Variants in SEC24C observed in about 807,000 individuals in gnomAD.
SEC24C encodes the protein SEC24 homolog C, COPII component, also known as protein transport protein Sec24C.
In SEC24C, 22 loss-of-function variants were observed where a neutral mutation model predicts 117.0. The ratio of observed to expected loss-of-function variants is 0.19; its 90% CI spans 0.13 to 0.27. The LOEUF (loss-of-function observed/expected upper bound fraction) is 0.27. Ranked by LOEUF, SEC24C falls within the 10% of genes least tolerant of loss-of-function variation. The probability of loss-of-function intolerance (pLI) is 1.00; values close to 1 mark genes in which losing one functional copy is unlikely to be tolerated. For missense variants in SEC24C, 1,155 were observed against 1,375.1 expected (o/e 0.84, Z 2.53); for synonymous variants, 506 against 529.4 (o/e 0.96, Z 0.61).
intron 7 of SEC24C, 66 bp downstream of exon 7, chr10:73,763,667 CTTTTTTTT>C (rs71021569): frequency 2.8e-4 from 17 of 60,484 alleles, no homozygotes; most frequent in South Asian, 1.2e-3. Context: ...ATGGTTGGGG[CTTTTTTTT>C]TTTTTTTTTT....
chr10:73,767,845 C>T lies in SEC24C; in HGVS notation c.2019C>T (p.Phe673=), dbSNP rs1190336284. ...ATTTTCTTTCCCCCTAGACTCTGTT[C>T]CAGCCTCAGACAGGTGCCTATCAGA... ...LINTDKEKTL[F]QPQTGAYQTL... Residue 673 remains phenylalanine, a synonymous_variant, in exon 15 of 23, where the codon TTC becomes TTT. Coordinates refer to ENST00000345254, the MANE Select transcript of SEC24C (RefSeq NM_198597.3). 4 of 1,609,572 alleles carry T rather than the reference C, an allele frequency of 2.5e-6. No individual in the cohort carries two copies. The Admixed American group carries it at 5.0e-5, about 20-fold the overall frequency.
chr10:73,766,865 G>C lies in SEC24C; in HGVS notation c.1893+12G>C. On this transcript the variant is annotated intron_variant, in intron 13 of 22. Transcript: ENST00000345254. ...TGGAGGCTCTGAAGGTAAGGCTGGA[G>C]TATCGGGCAACCTCCTCTAACTCCA... 1 of 1,610,254 alleles carries C rather than the reference G, an allele frequency of 6.2e-7. No homozygotes were observed. The highest frequency in any genetic ancestry group is 8.5e-7 in the Non-Finnish European group (1 of 1,176,410).
intron 8 of SEC24C, 116 bp downstream of exon 8, chr10:73,764,099 A>C: frequency 7.5e-7 from 1 of 1,339,996 alleles, no homozygotes. Flanking sequence ...GTTAGGCAGG[A>C]GAGGAGACTG....
chr10:73,766,053 T>G (rs374796759), intron 10 of SEC24C, 33 bp from the exon 11 acceptor site: 3 of 1,606,754 alleles, frequency 1.9e-6, no homozygotes, highest in Non-Finnish European at 2.5e-6. Context: ...TGCTTACCAT[T>G]CCCCCTCTCC....
rs1227411371 is a variant in SEC24C, at chr10:73,759,791, T to G, written c.478T>G (p.Phe160Val). The G allele has an allele frequency of 3.2e-6, 5 of 1,577,018 alleles. No individual in the cohort carries two copies. The highest frequency in any genetic ancestry group is 4.3e-6 in the Non-Finnish European group (5 of 1,165,648). Residue 160 changes from phenylalanine (F) to valine (V), a missense_variant, in exon 4 of 23, where the codon TTT becomes GTT. Phe to Val is a conservative substitution (Grantham distance 50). Around this residue, in one of 2 missense-constraint regions of SEC24C, gnomAD observed 396 missense variants for 382.8 expected, o/e 1.03. Transcript: ENST00000345254. ...APAPPSSGLG[F>V]GPPTSLASAS... Reference sequence around the variant, plus strand: ...AGCCCCTCCTTCTTCAGGGCTGGGCTTTGGTGAGTGGCTGTGAACACAGGA... The same window carrying G: ...AGCCCCTCCTTCTTCAGGGCTGGGCGTTGGTGAGTGGCTGTGAACACAGGA...
Position 73,769,974 on chromosome 10 carries a change from A to G in SEC24C, c.2821A>G (p.Thr941Ala), listed in dbSNP as rs754338296. The G allele has an allele frequency of 1.9e-6, 3 of 1,614,160 alleles. No individual in the cohort carries two copies. In the Admixed American group the frequency reaches 5.0e-5, roughly 27 times the overall value. ...ACAGCTAGTTACCTCCATGGATGTG[A>G]CTGAGACCAATGTCTTCTTCTACCC... The part of the protein sequence containing the change: ...VRQLVTSMDV[T>A]ETNVFFYPRL... The change falls in exon 20 of 23, where the codon ACT (threonine) becomes GCT (alanine). Residue 941 changes from threonine to alanine, a missense_variant. Around this residue, in one of 2 missense-constraint regions of SEC24C, gnomAD observed 759 missense variants for 992.3 expected, o/e 0.76. Transcript: ENST00000345254. The surrounding 1 kb of genome is among the most constrained non-coding windows in gnomAD (Gnocchi z 4.5).
Position 73,767,917 on chromosome 10 carries a change from T to TG in SEC24C, c.2091_2092insG (p.Leu698AlafsTer4). On this transcript the variant is annotated frameshift_variant, in exon 15 of 23. Transcript: ENST00000345254. LOFTEE classifies it high-confidence loss of function. ...CCCAAGGCTGCTGTGTAGATCTCTT[T>TG]CTCTTCCCTAACCAGTATGTGGATG... is the stretch of plus-strand genomic sequence containing the variant. The TG allele has an allele frequency of 1.9e-6, 3 of 1,609,088 alleles. No individual in the cohort carries two copies. The highest frequency in any genetic ancestry group is 2.2e-5 in the East Asian group (1 of 44,622).
intron 3 of SEC24C, among the ~76,000 whole-genome samples, chr10:73,759,335 T>C (rs977856607): frequency 6.6e-6 from 1 of 152,238 alleles, no homozygotes; most frequent in Non-Finnish European, 1.5e-5. Flanking sequence ...TGTCAAAGAA[T>C]TGAAGCAGAG....
At chr10:73,745,027 G>A (rs1245801781) in intron 1 of SEC24C, among the ~76,000 whole-genome samples, 1 of 152,148 alleles carries the variant, frequency 6.6e-6, no homozygotes, top group Non-Finnish European at 1.5e-5. Flanking sequence ...TGGAAGAACA[G>A]CTATTGAGAT....
At chr10:73,756,037 A>C (rs1354913990) in intron 3 of SEC24C, among the ~76,000 whole-genome samples, 1 of 152,032 alleles carries the variant, frequency 6.6e-6, no homozygotes, top group East Asian at 1.9e-4. Context: ...TTTTTAGTAG[A>C]GATGAGGTTT....
intron 3 of SEC24C, among the ~76,000 whole-genome samples, chr10:73,755,423 A>G (rs1465093707): frequency 6.6e-6 from 1 of 151,972 alleles, no homozygotes; most frequent in African/African-American, 2.4e-5. Flanking sequence ...CATGCCTGTA[A>G]TTCCAGCACT....
In SEC24C at chr10:73,769,683, A is replaced by C. The variant is rs1480775049; in HGVS notation, c.2632A>C (p.Ile878Leu). ...CACGCTCATCACCCAGTGTGCCCAG[A>C]TCCTGGCCTGTTACAGAAAGAACTG... Reference protein sequence around the residue: ...RDTLITQCAQILACYRKNCAS... With the variant: ...RDTLITQCAQLLACYRKNCAS... Residue 878 changes from isoleucine to leucine, a missense_variant, in exon 19 of 23, where the codon ATC becomes CTC. Physicochemically the swap from Ile to Leu is conservative, Grantham distance 5. Coordinates refer to ENST00000345254, the MANE Select transcript of SEC24C (RefSeq NM_198597.3). This position sits in a 1 kb window ranked among gnomAD's most constrained non-coding sequence, Gnocchi z 4.5. 3 of 1,614,058 alleles carry C rather than the reference A, an allele frequency of 1.9e-6. No homozygotes were observed. Among genetic ancestry groups the C allele is most frequent in the Non-Finnish European group, 2.5e-6 (3 of 1,180,040 alleles).
At chr10:73,763,459 C>T (rs758071121) in intron 6 of SEC24C, 31 bp from the exon 7 acceptor site, 36 of 1,424,804 alleles carry the variant, frequency 2.5e-5, no homozygotes, top group Non-Finnish European at 3.4e-5. Flanking sequence ...CCTTTTTCTT[C>T]TGTCACCTCA....
At chr10:73,766,665 T>C in intron 12 of SEC24C, 95 bp from the exon 13 acceptor site, 1 of 1,436,090 alleles carries the variant, frequency 7.0e-7, no homozygotes, top group East Asian at 2.3e-5. Flanking sequence ...AGTTGTCAGA[T>C]TCTAGAGGCT....
intron 2 of SEC24C, among the ~76,000 whole-genome samples, 188 bp from the exon 3 acceptor site, chr10:73,750,920 T>C (rs1262070815): frequency 6.6e-6 from 1 of 152,156 alleles, no homozygotes; most frequent in Non-Finnish European, 1.5e-5. Context: ...GTAGGCCCCT[T>C]GTTGGGAATC....
rs181682647 is a variant in SEC24C, at chr10:73,758,935, T to C, written c.309-687T>C. Reference sequence around the variant, plus strand: ...AGAGAGGGAGACACTGAATGGAAAGTATATTGGAAAGACACTGTGGTAGAC... The same window carrying C: ...AGAGAGGGAGACACTGAATGGAAAGCATATTGGAAAGACACTGTGGTAGAC... On this transcript the variant is annotated intron_variant, in intron 3 of 22. Transcript: ENST00000345254. Among the ~76,000 whole-genome samples, 349 of 152,156 alleles carry C rather than the reference T, an allele frequency of 2.3e-3. 1 individual carries two copies. Among genetic ancestry groups the C allele is most frequent in the Non-Finnish European group, 3.5e-3 (241 of 67,996 alleles).
In SEC24C at chr10:73,746,789, C is replaced by G. The variant is rs773286998; in HGVS notation, c.-28-16C>G. 1.3e-6 allele frequency: 2 copies of G among 1,537,150 alleles called. No individual in the cohort carries two copies. Among genetic ancestry groups the G allele is most frequent in the Non-Finnish European group, 1.8e-6 (2 of 1,133,344 alleles). On this transcript the variant is annotated splice_polypyrimidine_tract_variant and intron_variant, in intron 1 of 22. Transcript: ENST00000345254. The stretch of plus-strand genomic sequence containing the variant: ...TTAGAAAGTTCATTTTGACTAATTT[C>G]TCCTCTCTCTCACAGGTGAGATCAA...
chr10:73,748,030 A>G (rs2082585002), intron 2 of SEC24C, among the ~76,000 whole-genome samples: 1 of 151,880 alleles, frequency 6.6e-6, no homozygotes, highest in Non-Finnish European at 1.5e-5. Context: ...GCTGACCTCA[A>G]ATGATCCACC....
chr10:73,761,011 T>C (rs2082788911), intron 6 of SEC24C, among the ~76,000 whole-genome samples, 162 bp downstream of exon 6: 1 of 152,200 alleles, frequency 6.6e-6, no homozygotes, highest in East Asian at 1.9e-4. Flanking sequence ...GAACTTGAGG[T>C]TCTAGGAGTC....
Sources: allele counts gnomAD v4.1 joint callset (sites outside exome capture counted in the v4.1 genomes callset), GRCh38; gene constraint gnomAD v4.1.1; regional missense constraint gnomAD v4.1.1; non-coding constraint Gnocchi (gnomAD v3.1); transcripts MANE v1.5; gene names NCBI Gene and HGNC (gene_info 2026-07-23, HGNC 2026-07-21).